The following FBXO34 variants were observed in gnomAD, a reference collection of about 807,000 sequenced individuals.
The protein encoded by FBXO34 is F-box protein 34.
In FBXO34, 12 loss-of-function variants were observed where a neutral mutation model predicts 24.5. The observed-to-expected ratio is 0.49, with a 90% CI of 0.31 to 0.79. The LOEUF (loss-of-function observed/expected upper bound fraction) is 0.79. Ranked by LOEUF, FBXO34 falls within the 30% of genes least tolerant of loss-of-function variation. The probability of loss-of-function intolerance (pLI) is 0.04; values close to 1 mark genes in which losing one functional copy is unlikely to be tolerated. For missense variants in FBXO34, 823 were observed against 857.7 expected (o/e 0.96, Z 0.51); for synonymous variants, 320 against 311.9 (o/e 1.03, Z -0.27).
chr14:55,273,509 C>T (rs769500740), intron 1 of FBXO34, among the ~76,000 whole-genome samples: 5 of 152,040 alleles, frequency 3.3e-5, no homozygotes, highest in African/African-American at 7.3e-5. Context: ...AGTGAAGTCT[C>T]TAAAGATACA....
intron 1 of FBXO34, among the ~76,000 whole-genome samples, chr14:55,304,944 A>G (rs980241606): frequency 6.6e-6 from 1 of 152,194 alleles, no homozygotes; most frequent in Non-Finnish European, 1.5e-5. Flanking sequence ...GAAAATTATC[A>G]TAGTCTGTTC....
chr14:55,300,994 T>A (rs537909849), intron 1 of FBXO34, among the ~76,000 whole-genome samples: 7 of 152,342 alleles, frequency 4.6e-5, no homozygotes, highest in African/African-American at 1.4e-4. Context: ...TGCCAGTCAC[T>A]AAGGTGTGGT....
intron 1 of FBXO34, among the ~76,000 whole-genome samples, chr14:55,333,912 G>A (rs566770292): frequency 3.3e-5 from 5 of 152,200 alleles, no homozygotes; most frequent in East Asian, 3.9e-4. Context: ...GAATGCCTGC[G>A]TGTCTAGATT....
intron 1 of FBXO34, among the ~76,000 whole-genome samples, chr14:55,303,826 C>G (rs900072223): frequency 6.6e-6 from 1 of 152,124 alleles, no homozygotes; most frequent in Non-Finnish European, 1.5e-5. Context: ...GTACCAGGAC[C>G]ATGTTACTGC....
At chr14:55,370,038 A>C, downstream of FBXO34, 1 of 999,642 alleles carries the variant, frequency 1.0e-6, no homozygotes, top group Non-Finnish European at 1.4e-6. Flanking sequence ...CGCACACCCC[A>C]TTCATTCCCC....
At chr14:55,428,528 T>G in the FBXO34 span, among the ~76,000 whole-genome samples, 1 of 152,194 alleles carries the variant, frequency 6.6e-6, no homozygotes, top group South Asian at 2.1e-4. Flanking sequence ...ACACAAATTC[T>G]AGCAAAATCT....
intron 1 of FBXO34, among the ~76,000 whole-genome samples, chr14:55,288,950 C>T (rs951054022): frequency 1.3e-5 from 2 of 152,088 alleles, no homozygotes; most frequent in African/African-American, 4.8e-5. Context: ...ACTGGAGAGG[C>T]TGAGGCAGGA....
intron 1 of FBXO34, among the ~76,000 whole-genome samples, chr14:55,323,221 A>ATTT (rs1883217836): frequency 3.3e-5 from 1 of 29,954 alleles, no homozygotes; most frequent in Non-Finnish European, 4.9e-5. Flanking sequence ...AAAAAAAAAT[A>ATTT]TATATTTTTT....
chr14:55,365,304 T>C (rs959957415), downstream of FBXO34, among the ~76,000 whole-genome samples: 1 of 149,388 alleles, frequency 6.7e-6, no homozygotes, highest in Non-Finnish European at 1.5e-5. Flanking sequence ...GCTCAAACAA[T>C]CCTCCTGCCT....
chr14:55,323,188 A>ATT lies in FBXO34; in HGVS notation c.-10-27193_-10-27192insTT, dbSNP rs1883209057. Reference sequence around the variant, plus strand: ...CGACAGAGTGAGACTCTGTCTCAAAAAAAAAAAAAAAAAAAAAAAAAAAAA... The same window carrying ATT: ...CGACAGAGTGAGACTCTGTCTCAAAATTAAAAAAAAAAAAAAAAAAAAAAAAA... On this transcript the variant is annotated intron_variant, in intron 1 of 1. Transcript: ENST00000313833. 1.9e-4 allele frequency among the ~76,000 whole-genome samples: 5 copies of ATT among 26,694 alleles called. No homozygotes were observed. In the African/African-American group the frequency reaches 2.1e-3, roughly 11 times the overall value. The allele number at this position is 26,694 out of a possible 152,430, so 17.5% of individuals were successfully genotyped here.
At position 55,330,670 on chromosome 14, in the gene FBXO34, G is replaced by C. The variant is rs540562616; in HGVS notation, c.-10-19711G>C. ...GCTGGGAGTGGTGGTATATGCTTGT[G>C]GTCCCAGCTACTTGGGAGGCTGTGG... On this transcript the variant is annotated intron_variant, in intron 1 of 1. Coordinates refer to ENST00000313833, the MANE Select transcript of FBXO34 (RefSeq NM_017943.4). Among the ~76,000 whole-genome samples, 3 of 151,914 alleles carry C rather than the reference G, an allele frequency of 2.0e-5. No homozygotes were observed. In the South Asian group the frequency reaches 6.2e-4, roughly 32 times the overall value.
At chr14:55,388,072 G>C in the FBXO34 span, among the ~76,000 whole-genome samples, 1 of 152,080 alleles carries the variant, frequency 6.6e-6, no homozygotes, top group Non-Finnish European at 1.5e-5. Context: ...GGGAGGTGAA[G>C]GTTGCAGTGA....
At chr14:55,290,419 A>G (rs892058550) in intron 1 of FBXO34, among the ~76,000 whole-genome samples, 1 of 151,938 alleles carries the variant, frequency 6.6e-6, no homozygotes, top group Admixed American at 6.6e-5. Context: ...AAATAAATAA[A>G]TTAATTAATT....
At chr14:55,440,546 T>G in the FBXO34 span, 1 of 1,597,974 alleles carries the variant, frequency 6.3e-7, no homozygotes. Context: ...CAGAGGCCAT[T>G]TATGAGCCTG....
exon 3 of FBXO34, chr14:55,367,848 G>A (rs1371087858): frequency 6.6e-6 from 1 of 151,994 alleles, no homozygotes; most frequent in Non-Finnish European, 1.5e-5. Context: ...AATAAACTCC[G>A]TTCTGCAACT....
chr14:55,392,887 G>A, the FBXO34 span, among the ~76,000 whole-genome samples: 1 of 152,146 alleles, frequency 6.6e-6, no homozygotes, highest in Non-Finnish European at 1.5e-5. Flanking sequence ...CACAGGGACT[G>A]AGGGGTTCAG....
At chr14:55,292,157 G>A (rs559529839) in intron 1 of FBXO34, among the ~76,000 whole-genome samples, 3 of 152,024 alleles carry the variant, frequency 2.0e-5, no homozygotes, top group African/African-American at 7.2e-5. Flanking sequence ...AATATTTTTT[G>A]TTGTGTTTTC....
chr14:55,281,375 T>C (rs1436443263), intron 1 of FBXO34, among the ~76,000 whole-genome samples: 1 of 152,148 alleles, frequency 6.6e-6, no homozygotes, highest in Non-Finnish European at 1.5e-5. Flanking sequence ...CAATGATCAT[T>C]GTGAATTTAG....
the FBXO34 span, among the ~76,000 whole-genome samples, chr14:55,407,901 G>A: frequency 6.6e-6 from 1 of 152,116 alleles, no homozygotes; most frequent in Admixed American, 6.5e-5. Context: ...CAATCAGGAG[G>A]AAAAGTGTTC....
Sources: gnomAD v4.1 joint callset for allele counts (sites outside exome capture counted in the v4.1 genomes callset) on GRCh38, gnomAD v4.1.1 for gene constraint, MANE v1.5 for transcripts, NCBI Gene and HGNC (gene_info 2026-07-23, HGNC 2026-07-21) for gene names.